Variants in DGKB observed in about 807,000 individuals in gnomAD.
The protein encoded by DGKB is diacylglycerol kinase beta.
In DGKB, 67 loss-of-function variants were observed where a neutral mutation model predicts 114.3. The observed-to-expected ratio is 0.59, with a 90% CI of 0.48 to 0.72. The LOEUF (loss-of-function observed/expected upper bound fraction) is 0.72, where lower values mean the gene tolerates loss of function less well. Among genes scored for constraint, DGKB ranks in the 30% least tolerant of loss-of-function variants. DGKB has a pLI of 0.00. For missense variants in DGKB, 907 were observed against 975.2 expected, an observed-to-expected ratio of 0.93 and a Z score of 0.93; for synonymous variants, 398 against 323.1, an observed-to-expected ratio of 1.23 and a Z score of -2.49.
chr7:14,498,592 T>C (rs1411764323), intron 20 of DGKB, among the ~76,000 whole-genome samples: 2 of 151,744 alleles, frequency 1.3e-5, no homozygotes, highest in Non-Finnish European at 3.0e-5. Flanking sequence ...TTAAAGTCAA[T>C]TGAAGGTAAT....
chr7:14,416,846 G>T (rs753048341), intron 21 of DGKB, among the ~76,000 whole-genome samples: 23 of 152,044 alleles, frequency 1.5e-4, no homozygotes, highest in Admixed American at 6.6e-4. Flanking sequence ...ACATGCACAG[G>T]TAATTTTACT....
intron 23 of DGKB, among the ~76,000 whole-genome samples, chr7:14,210,303 A>G (rs1787550668): frequency 6.6e-6 from 1 of 152,080 alleles, no homozygotes; most frequent in Admixed American, 6.6e-5. Context: ...TCTTTAACTC[A>G]ATACAAAGGC....
At chr7:14,272,138 A>G (rs1433976912) in intron 23 of DGKB, among the ~76,000 whole-genome samples, 1 of 152,232 alleles carries the variant, frequency 6.6e-6, no homozygotes, top group East Asian at 1.9e-4. Context: ...TGAACACTTC[A>G]TGCTAACCAA....
At chr7:14,265,318 C>CTTTTATTTTTTTTTT (rs1797332668) in intron 23 of DGKB, among the ~76,000 whole-genome samples, 1 of 67,752 alleles carries the variant, frequency 1.5e-5, no homozygotes, top group Non-Finnish European at 2.5e-5. Context: ...CTCTTGCATT[C>CTTTTATTTTTTTTTT]TTTTTTTTTT....
intron 1 of DGKB, among the ~76,000 whole-genome samples, chr7:14,886,706 T>C (rs553467969): frequency 2.0e-5 from 3 of 152,068 alleles, no homozygotes; most frequent in African/African-American, 7.2e-5. Context: ...AATAGCTGGC[T>C]GGCTACCACC....
intron 21 of DGKB, among the ~76,000 whole-genome samples, chr7:14,427,502 C>A (rs1170328609): frequency 6.6e-6 from 1 of 152,172 alleles, no homozygotes; most frequent in East Asian, 1.9e-4. Context: ...ATCTTTTCAG[C>A]AGTGACCCAC....
intron 20 of DGKB, among the ~76,000 whole-genome samples, chr7:14,542,982 A>T (rs904595948): frequency 6.6e-6 from 1 of 152,196 alleles, no homozygotes. Flanking sequence ...AAAGGGAAAG[A>T]TATGGATATG....
intron 4 of DGKB, among the ~76,000 whole-genome samples, chr7:14,747,771 A>ACGCGCGCGCGCGCGCG (rs1344297768): frequency 1.1e-5 from 1 of 92,114 alleles, no homozygotes; most frequent in African/African-American, 7.0e-5. Flanking sequence ...AAACACATCC[A>ACGCGCGCGCGCGCGCG]CGCGCACGCA....
intron 21 of DGKB, among the ~76,000 whole-genome samples, chr7:14,411,212 G>A (rs12532527): frequency 0.75 from 114,211 of 152,022 alleles, 43,518 homozygotes; most frequent in Middle Eastern, 0.83. Flanking sequence ...GTTAATGTAA[G>A]TGTTCTGAGT....
chr7:14,414,168 C>G (rs1157785843), intron 21 of DGKB, among the ~76,000 whole-genome samples: 1 of 151,606 alleles, frequency 6.6e-6, no homozygotes, highest in Admixed American at 6.6e-5. Flanking sequence ...ATCTATATAC[C>G]CTTTACAAAT....
At chr7:14,295,776 T>G (rs187162771) in intron 23 of DGKB, among the ~76,000 whole-genome samples, 1 of 152,106 alleles carries the variant, frequency 6.6e-6, no homozygotes, top group African/African-American at 2.4e-5. Context: ...TACATAGGTA[T>G]ACATGTGCCA....
intron 21 of DGKB, among the ~76,000 whole-genome samples, chr7:14,416,372 G>A (rs927713669): frequency 6.6e-6 from 1 of 152,056 alleles, no homozygotes; most frequent in Admixed American, 6.6e-5. Context: ...TCATTGCTAA[G>A]AACTTTGTAA....
intron 21 of DGKB, among the ~76,000 whole-genome samples, chr7:14,457,611 G>A (rs1408626927): frequency 1.3e-5 from 2 of 152,194 alleles, no homozygotes; most frequent in South Asian, 2.1e-4. Context: ...CTGCAATTAA[G>A]AAAGAACATC....
intron 1 of DGKB, among the ~76,000 whole-genome samples, chr7:14,843,454 C>T (rs1312854303): frequency 6.7e-6 from 1 of 149,862 alleles, no homozygotes. Flanking sequence ...CCTGCCTCAG[C>T]CTCCCGAGTA....
At chr7:14,538,327 C>G (rs1391066182) in intron 20 of DGKB, among the ~76,000 whole-genome samples, 1 of 151,982 alleles carries the variant, frequency 6.6e-6, no homozygotes, top group Non-Finnish European at 1.5e-5. Context: ...GGGGAAAGGA[C>G]TTGAACAGAC....
chr7:14,808,082 A>G (rs1177927762), intron 2 of DGKB, among the ~76,000 whole-genome samples: 1 of 152,010 alleles, frequency 6.6e-6, no homozygotes, highest in Non-Finnish European at 1.5e-5. Context: ...AATATCTTCA[A>G]TTGTCATAAG....
At chr7:14,581,055 G>T (rs1799859712) in intron 18 of DGKB, 104 bp from the exon 19 acceptor site, 4 of 617,998 alleles carry the variant, frequency 6.5e-6, no homozygotes, top group Non-Finnish European at 1.1e-5. Flanking sequence ...ATTCCAATAG[G>T]TACTCATAAA....
intron 23 of DGKB, among the ~76,000 whole-genome samples, chr7:14,329,590 A>G (rs901109600): frequency 1.2e-4 from 18 of 151,886 alleles, no homozygotes; most frequent in African/African-American, 4.1e-4. Flanking sequence ...TAGTTCTTTC[A>G]TGCTTATAAT....
At chr7:14,844,230 C>G (rs1332039131) in intron 1 of DGKB, among the ~76,000 whole-genome samples, 1 of 152,186 alleles carries the variant, frequency 6.6e-6, no homozygotes, top group African/African-American at 2.4e-5. Flanking sequence ...TATTCTTTTC[C>G]TCCACCTTAC....
Sources: gnomAD v4.1 joint callset for allele counts (sites outside exome capture counted in the v4.1 genomes callset) on GRCh38, gnomAD v4.1.1 for gene constraint, MANE v1.5 for transcripts, NCBI Gene and HGNC (gene_info 2026-07-23, HGNC 2026-07-21) for gene names.